The following PLEKHG4B variants were observed in gnomAD, a reference collection of about 807,000 sequenced individuals.
PLEKHG4B encodes the protein pleckstrin homology and RhoGEF domain containing G4B.
Under a neutral mutation model 121.3 loss-of-function variants are expected in PLEKHG4B, and 111 were observed. The observed-to-expected ratio is 0.92, with a 90% confidence interval of 0.78 to 1.07. PLEKHG4B has a LOEUF of 1.07. Ranked by LOEUF, PLEKHG4B falls within the 50% of genes least tolerant of loss-of-function variation. The pLI is 0.00. For synonymous variants in PLEKHG4B, 738 were observed against 725.0 expected (o/e 1.02, Z -0.29); for missense variants, 1,831 against 1,757.8 (o/e 1.04, Z -0.74).
rs1169585939 is a variant in PLEKHG4B, at chr5:142,296, C to T, written c.1478-751C>T. Among the ~76,000 whole-genome samples the T allele has an allele frequency of 2.0e-5, 3 of 152,162 alleles. No individual in the cohort carries two copies. In the East Asian group the frequency reaches 5.8e-4, roughly 29 times the overall value. ...AAGACACACACAATCTTGCAGCACC[C>T]CTCGCAGTCACACACACGCCATAAC... On this transcript the variant is annotated intron_variant, in intron 3 of 19. Coordinates refer to ENST00000637938, the MANE Select transcript of PLEKHG4B (RefSeq NM_052909.5).
chr5:136,109 A>G (rs1470146361), intron 2 of PLEKHG4B, among the ~76,000 whole-genome samples: 9 of 152,160 alleles, frequency 5.9e-5, no homozygotes, highest in Admixed American at 3.3e-4. Context: ...AGAAAACTGG[A>G]TATCCACATG....
intron 6 of PLEKHG4B, among the ~76,000 whole-genome samples, chr5:149,892 A>C (rs1323127371): frequency 1.3e-5 from 2 of 152,198 alleles, no homozygotes; most frequent in Non-Finnish European, 2.9e-5. Context: ...GATACGGAGA[A>C]ACTGGAACCC....
chr5:151,517 A>G lies in PLEKHG4B; in HGVS notation c.1910A>G (p.Asn637Ser), dbSNP rs770361164. The change falls in exon 7 of 20, where the codon AAC (asparagine) becomes AGC (serine). Residue 637 changes from asparagine (N) to serine (S), a missense_variant. Asn to Ser is a conservative substitution (Grantham distance 46, BLOSUM62 1). Coordinates refer to ENST00000637938, the MANE Select transcript of PLEKHG4B (RefSeq NM_052909.5). ...TTTATTTCTTATTTATTTCAGAACA[A>G]CACATCTCCTATAATTCATAGTATC... ...VSQALSGLQN[N>S]TSPIIHSILL... The G allele has an allele frequency of 1.9e-6, 3 of 1,554,906 alleles. No homozygotes were observed. The South Asian group carries it at 3.5e-5, about 18-fold the overall frequency.
rs1724355235 is a variant in PLEKHG4B at position 127,651 on chromosome 5, G to A, written c.244-11832G>A. The stretch of plus-strand genomic sequence containing the variant: ...GTGGCGGCCGAACAGTGAGAAAGGT[G>A]CAACAATATTGAACTTGCACCTCTT... On this transcript the variant is annotated intron_variant, in intron 2 of 19. Transcript: ENST00000637938. Among the ~76,000 whole-genome samples the A allele has an allele frequency of 2.0e-5, 3 of 152,070 alleles. No individual in the cohort carries two copies. In the South Asian group the frequency reaches 6.2e-4, roughly 32 times the overall value.
At chr5:101,767 G>T (rs1733823345) in intron 1 of PLEKHG4B, among the ~76,000 whole-genome samples, 1 of 140,482 alleles carries the variant, frequency 7.1e-6, no homozygotes. Context: ...TAAAGCCCTG[G>T]AAAAAGCCTG....
rs1560918185 is a variant in PLEKHG4B at position 135,685 on chromosome 5, ATATAT to A, written c.244-3797_244-3793del. Among the ~76,000 whole-genome samples the A allele has an allele frequency of 4.7e-3, 147 of 30,996 alleles. 4 individuals carry two copies. The highest frequency in any genetic ancestry group is 0.018 in the African/African-American group (110 of 6,246). The allele number at this position is 30,996 out of a possible 152,430, so 20.3% of individuals were successfully genotyped here. A position where few individuals can be genotyped will look rare whatever the true frequency, so the allele number is the denominator to read the frequency against. On this transcript the variant is annotated intron_variant, in intron 2 of 19. Coordinates refer to ENST00000637938, the MANE Select transcript of PLEKHG4B (RefSeq NM_052909.5). Reference sequence around the variant, plus strand: ...CATCTCAAAAAAAAAAAAAAAAAATATATATATATATATATATATATATATATATA... The same window carrying A: ...CATCTCAAAAAAAAAAAAAAAAAATAATATATATATATATATATATATATA...
At chr5:99,178 A>ATATATATATATATG (rs1733724636) in intron 1 of PLEKHG4B, among the ~76,000 whole-genome samples, 2 of 21,066 alleles carry the variant, frequency 9.5e-5, no homozygotes, top group Non-Finnish European at 2.2e-4. Context: ...GTGTATATAT[A>ATATATATATATATG]TATATATATA....
intron 2 of PLEKHG4B, among the ~76,000 whole-genome samples, chr5:134,469 A>G (rs1734887400): frequency 6.6e-6 from 1 of 152,054 alleles, no homozygotes; most frequent in Admixed American, 6.5e-5. Flanking sequence ...ACCTATTGAA[A>G]TTAAAAAAAA....
In PLEKHG4B at chr5:182,561, C is replaced by T; in HGVS notation, c.*238C>T. The T allele has an allele frequency of 1.8e-6, 1 of 542,948 alleles. No individual in the cohort carries two copies. Among genetic ancestry groups the T allele is most frequent in the Non-Finnish European group, 3.3e-6 (1 of 305,224 alleles). 33.6% of individuals were successfully genotyped at this position (542,948 alleles called of 1,614,324 possible). A position where few individuals can be genotyped will look rare whatever the true frequency, so the allele number is the denominator to read the frequency against. On this transcript the variant is annotated 3_prime_UTR_variant, in exon 20 of 20. Transcript: ENST00000637938. ...AACCTTCCACTTCCACCCAAGACAA[C>T]AGCATAGGAAACAGACCTAAAACAA...
intron 1 of PLEKHG4B, among the ~76,000 whole-genome samples, chr5:102,258 A>G (rs1733843697): frequency 1.3e-5 from 2 of 152,168 alleles, no homozygotes; most frequent in East Asian, 3.8e-4. Flanking sequence ...TGCCTGACAT[A>G]TACTAGAACT....
rs139636561 is a variant in PLEKHG4B, at chr5:135,665, C to CAAAAAAAAA, written c.244-3808_244-3800dup. ...TGGGCGACAAAGCAAGACTCCATCTCAAAAAAAAAAAAAAAAAATATATAT... is the reference window on the plus strand; with the variant it reads ...TGGGCGACAAAGCAAGACTCCATCTCAAAAAAAAAAAAAAAAAAAAAAAAAAATATATAT... On this transcript the variant is annotated intron_variant, in intron 2 of 19. Coordinates refer to ENST00000637938, the MANE Select transcript of PLEKHG4B (RefSeq NM_052909.5). 7.7e-4 allele frequency among the ~76,000 whole-genome samples: 14 copies of CAAAAAAAAA among 18,112 alleles called. 1 individual carries two copies. Among genetic ancestry groups the CAAAAAAAAA allele is most frequent in the Non-Finnish European group, 9.6e-4 (11 of 11,494 alleles). 11.9% of individuals were successfully genotyped at this position (18,112 alleles called of 152,430 possible).
intron 5 of PLEKHG4B, 67 bp downstream of exon 5, chr5:143,570 TG>T: frequency 3.2e-6 from 5 of 1,581,732 alleles, no homozygotes; most frequent in Admixed American, 1.7e-5. Context: ...TGTGGCAAAG[TG>T]GGGGGCACGG....
intron 13 of PLEKHG4B, among the ~76,000 whole-genome samples, chr5:166,509 C>CA (rs1736352738): frequency 4.8e-5 from 4 of 83,930 alleles, no homozygotes; most frequent in South Asian, 1.0e-3. Flanking sequence ...AATCTTCTGA[C>CA]GGGGCGGAGC....
In PLEKHG4B at chr5:161,824, G is replaced by C. The variant is rs1450380156; in HGVS notation, c.2529G>C (p.Pro843=). The part of the protein sequence containing the change: ...QKGLQLAKEN[P]QRTEEMVQDF... ...GACTACAGCTGGCGAAGGAGAACCC[G>C]CAACGTACAGAGGAAATGGTCCAGG... is the stretch of plus-strand genomic sequence containing the variant. The change falls in exon 12 of 20, where the codon CCG becomes CCC. Residue 843 remains proline (P), a synonymous_variant. Transcript: ENST00000637938. 1 of 1,613,870 alleles carries C rather than the reference G, an allele frequency of 6.2e-7. No individual in the cohort carries two copies. The highest frequency in any genetic ancestry group is 1.1e-5 in the South Asian group (1 of 91,082).
chr5:181,900 G>A lies in PLEKHG4B; in HGVS notation c.4565-104G>A, dbSNP rs1733403881. The A allele has an allele frequency of 1.6e-5, 22 of 1,385,454 alleles. No individual in the cohort carries two copies. In the South Asian group the frequency reaches 2.6e-4, roughly 16 times the overall value. 85.8% of individuals were successfully genotyped at this position (1,385,454 alleles called of 1,614,324 possible). A position where few individuals can be genotyped will look rare whatever the true frequency, so the allele number is the denominator to read the frequency against. On this transcript the variant is annotated intron_variant, in intron 19 of 19. Coordinates refer to ENST00000637938, the MANE Select transcript of PLEKHG4B (RefSeq NM_052909.5). ...TGGGTTGGATGGGCATGACTGCAGT[G>A]GCAAAGCCTGGTCGGCCTTTCAGAC...
intron 1 of PLEKHG4B, among the ~76,000 whole-genome samples, chr5:98,536 G>A (rs1733694871): frequency 7.5e-6 from 1 of 133,512 alleles, no homozygotes; most frequent in African/African-American, 2.8e-5. Flanking sequence ...CCAGGTTCAA[G>A]CGATTCTCCT....
At chr5:152,152 T>C (rs1490680387) in intron 7 of PLEKHG4B, among the ~76,000 whole-genome samples, 1 of 152,174 alleles carries the variant, frequency 6.6e-6, no homozygotes, top group Non-Finnish European at 1.5e-5. Context: ...ACGTTAAATT[T>C]GTGAATTCAT....
In PLEKHG4B at chr5:159,258, TCGCC is replaced by T; in HGVS notation, c.2487+2349_2487+2352del. On this transcript the variant is annotated intron_variant, in intron 11 of 19. Transcript: ENST00000637938. This position sits in a 1 kb window ranked among gnomAD's most constrained non-coding sequence, Gnocchi z 5.5. ...CACTGAGGGCAGGTGTGCCTGAGGGTCGCCCAGGTGCACTGAGGGCAGGTGTGCC... is the reference window on the plus strand; with the variant it reads ...CACTGAGGGCAGGTGTGCCTGAGGGTCAGGTGCACTGAGGGCAGGTGTGCC... Among the ~76,000 whole-genome samples the T allele has an allele frequency of 6.6e-6, 1 of 150,820 alleles. No individual in the cohort carries two copies. Among genetic ancestry groups the T allele is most frequent in the Non-Finnish European group, 1.5e-5 (1 of 67,770 alleles).
At position 159,468 on chromosome 5, in the gene PLEKHG4B, T is replaced by C. The variant is rs1735920040; in HGVS notation, c.2488-2315T>C. Among the ~76,000 whole-genome samples the C allele has an allele frequency of 6.6e-6, 1 of 152,208 alleles. No individual in the cohort carries two copies. Among genetic ancestry groups the C allele is most frequent in the African/African-American group, 2.4e-5 (1 of 41,448 alleles). On this transcript the variant is annotated intron_variant, in intron 11 of 19. Transcript: ENST00000637938. The surrounding 1 kb of genome is among the most constrained non-coding windows in gnomAD (Gnocchi z 5.5). The stretch of plus-strand genomic sequence containing the variant: ...ATTTTCCCCACCCCTGGCTGTGTGC[T>C]GTCCTTGTAAGGTAGATTTTTCTCA...
Sources: gnomAD v4.1 joint callset for allele counts (sites outside exome capture counted in the v4.1 genomes callset) on GRCh38, gnomAD v4.1.1 for gene constraint, Gnocchi (gnomAD v3.1) non-coding constraint, MANE v1.5 for transcripts, NCBI Gene and HGNC (gene_info 2026-07-23, HGNC 2026-07-21) for gene names.